The following KCNQ1 variants were observed in gnomAD, a reference collection of about 807,000 sequenced individuals.
The protein encoded by KCNQ1 is potassium voltage-gated channel subfamily Q member 1, also known as potassium voltage-gated channel subfamily KQT member 1.
A neutral mutation model predicts 72.4 loss-of-function variants in KCNQ1; 49 were observed. That is an observed-to-expected ratio of 0.68 (90% CI 0.54 to 0.86). KCNQ1 has a LOEUF of 0.86. Ranked by LOEUF, KCNQ1 falls within the 40% of genes least tolerant of loss-of-function variation. The pLI is 0.00. For missense variants in KCNQ1, 790 were observed against 945.1 expected (o/e 0.84, Z 2.15); for synonymous variants, 450 against 412.6 (o/e 1.09, Z -1.10).
At position 2,496,495 on chromosome 11, in the gene KCNQ1, C is replaced by CTTTTTTTTT; in HGVS notation, c.387-31416_387-31408dup. 2.0e-3 allele frequency among the ~76,000 whole-genome samples: 61 copies of CTTTTTTTTT among 29,824 alleles called. 8 individuals are homozygous for CTTTTTTTTT. The highest frequency in any genetic ancestry group is 4.0e-3 in the African/African-American group (37 of 9,274). The allele number at this position is 29,824 out of a possible 152,430, so 19.6% of individuals were successfully genotyped here. A position where few individuals can be genotyped will look rare whatever the true frequency, so the allele number is the denominator to read the frequency against. ...AAAATGGCTAGGATCACAACCCCTG[C>CTTTTTTTTT]TTTTTTTTTTTTTTTTTTTTTTTTT... is the stretch of plus-strand genomic sequence containing the variant. On this transcript the variant is annotated intron_variant, in intron 1 of 15. Transcript: ENST00000155840.
intron 11 of KCNQ1, among the ~76,000 whole-genome samples, chr11:2,760,482 G>T (rs1379759486): frequency 1.3e-5 from 2 of 152,214 alleles, no homozygotes; most frequent in Non-Finnish European, 2.9e-5. Context: ...TTTCTCAGCA[G>T]CTGACCCACG....
At chr11:2,528,138 G>A in intron 2 of KCNQ1, 120 bp downstream of exon 2, 1 of 882,770 alleles carries the variant, frequency 1.1e-6, no homozygotes, top group Non-Finnish European at 1.9e-6. Context: ...CCCACACATT[G>A]GTCCTGCCCT....
intron 10 of KCNQ1, chr11:2,630,863 G>A (rs142657564): frequency 2.5e-6 from 1 of 398,474 alleles, no homozygotes; most frequent in Non-Finnish European, 4.4e-6. Context: ...AGTATTCTTA[G>A]ATGGCAGTTT....
At position 2,613,597 on chromosome 11, in the gene KCNQ1, T is replaced by C. The variant is rs140152372; in HGVS notation, c.1393+24743T>C. 8.6e-4 allele frequency: 342 copies of C among 398,600 alleles called. 4 individuals are homozygous for C. In the East Asian group the frequency reaches 0.011, roughly 13 times the overall value. The allele number at this position is 398,600 out of a possible 1,614,324, so 24.7% of individuals were successfully genotyped here. ...TTTCTTTAATTAGCACTTTTCAATT[T>C]TATATTTCTTTGTCCAGTTTTATCA... On this transcript the variant is annotated intron_variant, in intron 10 of 15. Coordinates refer to ENST00000155840, the MANE Select transcript of KCNQ1 (RefSeq NM_000218.3). The surrounding 1 kb of genome is among the most constrained non-coding windows in gnomAD (Gnocchi z 4.8).
In KCNQ1 at chr11:2,509,753, T is replaced by C. The variant is rs558798299; in HGVS notation, c.387-18175T>C. Among the ~76,000 whole-genome samples the C allele has an allele frequency of 2.2e-4, 33 of 152,216 alleles. No homozygotes were observed. The highest frequency in any genetic ancestry group is 6.5e-4 in the Admixed American group (10 of 15,284). On this transcript the variant is annotated intron_variant, in intron 1 of 15. Transcript: ENST00000155840. The surrounding 1 kb of genome is among the most constrained non-coding windows in gnomAD (Gnocchi z 6.3). ...TGGGATAGGGAAAGAAAAGAGGGGC[T>C]TCCGGGGGTGGGGAGCGGGGCTGGG...
intron 1 of KCNQ1, among the ~76,000 whole-genome samples, chr11:2,518,427 C>T (rs929506606): frequency 6.6e-6 from 1 of 152,266 alleles, no homozygotes; most frequent in Middle Eastern, 3.4e-3. Flanking sequence ...GGGGTGCAGG[C>T]CTGGTGGCCC....
intron 11 of KCNQ1, among the ~76,000 whole-genome samples, chr11:2,755,718 C>T (rs901468651): frequency 6.6e-6 from 1 of 152,162 alleles, no homozygotes; most frequent in Non-Finnish European, 1.5e-5. Flanking sequence ...TGGGGGAGCC[C>T]TTATTCTGCC....
Position 2,772,776 on chromosome 11 carries a change from G to A in KCNQ1, c.1591-3184G>A, listed in dbSNP as rs1277560248. On this transcript the variant is annotated intron_variant, in intron 12 of 15. Coordinates refer to ENST00000155840, the MANE Select transcript of KCNQ1 (RefSeq NM_000218.3). This position sits in a 1 kb window ranked among gnomAD's most constrained non-coding sequence, Gnocchi z 6.6. ...GGAAGCACTCGCATCTGCAGAGGCT[G>A]CTAACACACACACCTACACCCACCT... Among the ~76,000 whole-genome samples, 1 of 152,196 alleles carries A rather than the reference G, an allele frequency of 6.6e-6. No homozygotes were observed. Among genetic ancestry groups the A allele is most frequent in the African/African-American group, 2.4e-5 (1 of 41,454 alleles).
chr11:2,490,940 A>G (rs1554885119), intron 1 of KCNQ1, among the ~76,000 whole-genome samples: 1 of 152,154 alleles, frequency 6.6e-6, no homozygotes, highest in Non-Finnish European at 1.5e-5. Flanking sequence ...TCCCGACCTC[A>G]GGTGATCTGC....
In KCNQ1 at chr11:2,674,311, G is replaced by T; in HGVS notation, c.1514+12230G>T. 2.5e-6 allele frequency: 1 copy of T among 398,768 alleles called. No individual in the cohort carries two copies. Among genetic ancestry groups the T allele is most frequent in the East Asian group, 3.6e-5 (1 of 28,064 alleles). The allele number at this position is 398,768 out of a possible 1,614,324, so 24.7% of individuals were successfully genotyped here. ...TTCTTCATCATGCAGCCGTAGAGCT[G>T]GAGGCCAAGGACACCCTCTGGAAAT... On this transcript the variant is annotated intron_variant, in intron 11 of 15. Coordinates refer to ENST00000155840, the MANE Select transcript of KCNQ1 (RefSeq NM_000218.3). The surrounding 1 kb of genome is among the most constrained non-coding windows in gnomAD (Gnocchi z 5.9).
At position 2,691,815 on chromosome 11, in the gene KCNQ1, T is replaced by G; in HGVS notation, c.1514+29734T>G. On this transcript the variant is annotated intron_variant, in intron 11 of 15. Transcript: ENST00000155840. This position sits in a 1 kb window ranked among gnomAD's most constrained non-coding sequence, Gnocchi z 6.4. ...CAATCAGAGAATCACAAGCACTGGA[T>G]CCAATGTGACCTCTGCCAGGACCAT... 2.5e-6 allele frequency: 1 copy of G among 398,662 alleles called. No individual in the cohort carries two copies. Among genetic ancestry groups the G allele is most frequent in the East Asian group, 3.6e-5 (1 of 28,056 alleles). The allele number at this position is 398,662 out of a possible 1,614,324, so 24.7% of individuals were successfully genotyped here.
chr11:2,811,486 C>G (rs1847484634), intron 15 of KCNQ1, among the ~76,000 whole-genome samples: 1 of 152,228 alleles, frequency 6.6e-6, no homozygotes, highest in African/African-American at 2.4e-5. Context: ...TGGAGACCTT[C>G]TTGAGGTTCA....
chr11:2,802,212 G>A lies in KCNQ1; in HGVS notation c.1794+24175G>A, dbSNP rs577062255. Among the ~76,000 whole-genome samples, 30 of 152,330 alleles carry A rather than the reference G, an allele frequency of 2.0e-4. No individual in the cohort carries two copies. In the South Asian group the frequency reaches 5.0e-3, roughly 25 times the overall value. ...AGCCACACCCGCCTTCTGACAATGC[G>A]AAGCCCACCTGGTCTGTGAGCTGTC... On this transcript the variant is annotated intron_variant, in intron 15 of 15. Coordinates refer to ENST00000155840, the MANE Select transcript of KCNQ1 (RefSeq NM_000218.3).
In KCNQ1 at chr11:2,621,016, C is replaced by A. The variant is rs983968288; in HGVS notation, c.1393+32162C>A. 7.6e-6 allele frequency: 3 copies of A among 395,274 alleles called. No individual in the cohort carries two copies. Among genetic ancestry groups the A allele is most frequent in the African/African-American group, 4.2e-5 (2 of 48,164 alleles). 24.5% of individuals were successfully genotyped at this position (395,274 alleles called of 1,614,324 possible). A position where few individuals can be genotyped will look rare whatever the true frequency, so the allele number is the denominator to read the frequency against. The stretch of plus-strand genomic sequence containing the variant: ...TTTTTGAGAAAGAGTCTTGCTCTGT[C>A]TCCCAGGCTGGAGTGCAGTGGCGCA... On this transcript the variant is annotated intron_variant, in intron 10 of 15. Transcript: ENST00000155840. This position sits in a 1 kb window ranked among gnomAD's most constrained non-coding sequence, Gnocchi z 5.7.
At chr11:2,688,219 G>A in intron 11 of KCNQ1, 1 of 398,776 alleles carries the variant, frequency 2.5e-6, no homozygotes, top group Non-Finnish European at 4.4e-6. Flanking sequence ...GCCCACCAAA[G>A]GTTGTAGCCA....
intron 2 of KCNQ1, among the ~76,000 whole-genome samples, chr11:2,540,928 C>G (rs1330698708): frequency 6.6e-6 from 1 of 152,222 alleles, no homozygotes; most frequent in Non-Finnish European, 1.5e-5. Flanking sequence ...GGTTGAAAAA[C>G]ACACTCGTGT....
chr11:2,839,574 G>A (rs978447084), intron 15 of KCNQ1: 1 of 152,158 alleles, frequency 6.6e-6, no homozygotes, highest in African/African-American at 2.4e-5. Flanking sequence ...GCTGAGCCGA[G>A]GGAGAATCCA....
rs1846880653 is a variant in KCNQ1, at chr11:2,784,667, T to C, written c.1794+6630T>C. Among the ~76,000 whole-genome samples, 1 of 151,962 alleles carries C rather than the reference T, an allele frequency of 6.6e-6. No homozygotes were observed. Among genetic ancestry groups the C allele is most frequent in the South Asian group, 2.1e-4 (1 of 4,834 alleles). ...TGAGTATTGTAATCAATGAACATGG[T>C]ATATCCCTCCATTTATTTGATCTAC... On this transcript the variant is annotated intron_variant, in intron 15 of 15. Coordinates refer to ENST00000155840, the MANE Select transcript of KCNQ1 (RefSeq NM_000218.3). The surrounding 1 kb of genome is among the most constrained non-coding windows in gnomAD (Gnocchi z 4.7).
chr11:2,478,515 A>C lies in KCNQ1; in HGVS notation c.386+33031A>C, dbSNP rs1846606557. Among the ~76,000 whole-genome samples, 1 of 152,174 alleles carries C rather than the reference A, an allele frequency of 6.6e-6. No homozygotes were observed. ...AAAGAGATAATGAAAACTGAGCACA[A>C]AGGGTTTCCCCTTATAAAACCATCA... On this transcript the variant is annotated intron_variant, in intron 1 of 15. Transcript: ENST00000155840. The surrounding 1 kb of genome is among the most constrained non-coding windows in gnomAD (Gnocchi z 4.0).
Sources: allele counts gnomAD v4.1 joint callset (sites outside exome capture counted in the v4.1 genomes callset), GRCh38; gene constraint gnomAD v4.1.1; non-coding constraint Gnocchi (gnomAD v3.1); transcripts MANE v1.5; gene names NCBI Gene and HGNC (gene_info 2026-07-23, HGNC 2026-07-21).